The following NALF1 variants were observed in gnomAD, a reference collection of about 807,000 sequenced individuals.
NALF1 encodes NALCN channel auxiliary factor 1, also known as family with sequence similarity 155 member A.
Under a neutral mutation model 48.4 loss-of-function variants are expected in NALF1, and 3 were observed. The observed-to-expected ratio is 0.06, with a 90% confidence interval of 0.03 to 0.16. NALF1 has a LOEUF of 0.16. Ranked by LOEUF, NALF1 falls within the 10% of genes least tolerant of loss-of-function variation. NALF1 has a pLI of 1.00. For missense variants in NALF1, 526 were observed against 571.5 expected, an observed-to-expected ratio of 0.92 and a Z score of 0.81; for synonymous variants, 262 against 245.7, an observed-to-expected ratio of 1.07 and a Z score of -0.62.
chr13:107,269,030 G>A (rs971713347), intron 1 of NALF1, among the ~76,000 whole-genome samples: 26 of 152,074 alleles, frequency 1.7e-4, no homozygotes, highest in African/African-American at 6.0e-4. Context: ...GGGAGTGGTG[G>A]TGCACGCCTG....
chr13:107,734,452 C>T (rs1319486780), intron 1 of NALF1, among the ~76,000 whole-genome samples: 1 of 151,046 alleles, frequency 6.6e-6, no homozygotes, highest in Admixed American at 6.6e-5. Context: ...AGGAAAGAAC[C>T]CAGAGTTAGA....
intron 1 of NALF1, among the ~76,000 whole-genome samples, chr13:107,353,744 C>T (rs1368323788): frequency 6.6e-6 from 1 of 152,178 alleles, no homozygotes; most frequent in African/African-American, 2.4e-5. Context: ...ATTTCGGCAG[C>T]AACAGAGAAT....
intron 2 of NALF1, among the ~76,000 whole-genome samples, chr13:107,193,531 C>T (rs1291988254): frequency 6.6e-6 from 1 of 152,082 alleles, no homozygotes; most frequent in Non-Finnish European, 1.5e-5. Context: ...TTTAATTACC[C>T]CTTCTGGGAA....
chr13:107,270,222 A>G (rs1881133437), intron 1 of NALF1, among the ~76,000 whole-genome samples: 1 of 152,216 alleles, frequency 6.6e-6, no homozygotes, highest in South Asian at 2.1e-4. Context: ...TTTCTATGTC[A>G]AACTTTTGAT....
At chr13:107,805,818 G>C (rs1207076272) in intron 1 of NALF1, among the ~76,000 whole-genome samples, 1 of 152,104 alleles carries the variant, frequency 6.6e-6, no homozygotes, top group Non-Finnish European at 1.5e-5. Context: ...ATTCTCACTA[G>C]TGTTGGTGCT....
At chr13:107,385,629 G>A (rs758483814) in intron 1 of NALF1, among the ~76,000 whole-genome samples, 3 of 151,102 alleles carry the variant, frequency 2.0e-5, no homozygotes, top group Non-Finnish European at 2.9e-5. Context: ...GGTAAAGGCA[G>A]TTTAAGTTCT....
intron 1 of NALF1, among the ~76,000 whole-genome samples, chr13:107,734,721 T>C (rs1368312186): frequency 2.0e-5 from 3 of 152,138 alleles, no homozygotes; most frequent in Non-Finnish European, 4.4e-5. Context: ...GCTTATTTCA[T>C]GTGAATATTG....
chr13:107,222,866 T>A (rs1387390189), intron 1 of NALF1, among the ~76,000 whole-genome samples: 2 of 152,212 alleles, frequency 1.3e-5, no homozygotes, highest in Non-Finnish European at 2.9e-5. Context: ...AATGAAAGAA[T>A]GCCTCTAAAC....
intron 1 of NALF1, among the ~76,000 whole-genome samples, chr13:107,437,913 T>C (rs1884489280): frequency 6.6e-6 from 1 of 152,220 alleles, no homozygotes; most frequent in South Asian, 2.1e-4. Context: ...GAAGCATTTA[T>C]TGGTGAAGTA....
Position 107,332,739 on chromosome 13 carries a change from T to C in NALF1, c.916-121984A>G, listed in dbSNP as rs12875100. Among the ~76,000 whole-genome samples, 527 of 152,364 alleles carry C rather than the reference T, an allele frequency of 3.5e-3. 2 individuals are homozygous for C. Among genetic ancestry groups the C allele is most frequent in the Non-Finnish European group, 6.2e-3 (424 of 68,032 alleles). On this transcript the variant is annotated intron_variant, in intron 1 of 2. Transcript: ENST00000375915. Reference sequence around the variant, plus strand: ...CACTGTGAACACCTAGTAGTGGATATAGAGCCATTGCTCCTAGTAAATTAC... The same window carrying C: ...CACTGTGAACACCTAGTAGTGGATACAGAGCCATTGCTCCTAGTAAATTAC...
At chr13:107,425,275 T>C (rs1278915973) in intron 1 of NALF1, among the ~76,000 whole-genome samples, 1 of 152,192 alleles carries the variant, frequency 6.6e-6, no homozygotes, top group Non-Finnish European at 1.5e-5. Flanking sequence ...TAATTCATCA[T>C]AAACTAAGTG....
chr13:107,420,072 T>G (rs573467356), intron 1 of NALF1, among the ~76,000 whole-genome samples: 1 of 152,208 alleles, frequency 6.6e-6, no homozygotes, highest in Non-Finnish European at 1.5e-5. Flanking sequence ...CTATCCTCAA[T>G]TTTTATTAGG....
intron 1 of NALF1, among the ~76,000 whole-genome samples, chr13:107,734,837 T>C (rs1364426341): frequency 6.6e-6 from 1 of 152,130 alleles, no homozygotes; most frequent in Non-Finnish European, 1.5e-5. Context: ...TTTGTATGAG[T>C]AATACTGTAT....
intron 1 of NALF1, among the ~76,000 whole-genome samples, chr13:107,247,055 A>G (rs1880600404): frequency 6.6e-6 from 1 of 152,130 alleles, no homozygotes; most frequent in South Asian, 2.1e-4. Flanking sequence ...GCAACTGAAC[A>G]TTTACTAGCC....
intron 1 of NALF1, among the ~76,000 whole-genome samples, chr13:107,523,254 C>A (rs1876306462): frequency 6.6e-6 from 1 of 152,194 alleles, no homozygotes; most frequent in African/African-American, 2.4e-5. Context: ...TGCCATCAAA[C>A]ATTGCCTTCA....
chr13:107,504,097 C>T (rs1875615048), intron 1 of NALF1, among the ~76,000 whole-genome samples: 1 of 151,466 alleles, frequency 6.6e-6, no homozygotes, highest in Admixed American at 6.6e-5. Flanking sequence ...ACTAAAAATA[C>T]AAAAATTAGC....
At chr13:107,439,382 C>T (rs926363063) in intron 1 of NALF1, among the ~76,000 whole-genome samples, 1 of 152,208 alleles carries the variant, frequency 6.6e-6, no homozygotes, top group Non-Finnish European at 1.5e-5. Context: ...CTCTGTTCTT[C>T]CCCTTTAAAC....
Position 107,577,234 on chromosome 13 carries a change from G to T in NALF1, c.915+288448C>A, listed in dbSNP as rs1878181264. Reference sequence around the variant, plus strand: ...CATTCTCATCTGCATGTTGGAAGGTGGTTCACCATCAAGTCTGAGCTCCAA... The same window carrying T: ...CATTCTCATCTGCATGTTGGAAGGTTGTTCACCATCAAGTCTGAGCTCCAA... On this transcript the variant is annotated intron_variant, in intron 1 of 2. Coordinates refer to ENST00000375915, the MANE Select transcript of NALF1 (RefSeq NM_001080396.3). Among the ~76,000 whole-genome samples, 3 of 152,084 alleles carry T rather than the reference G, an allele frequency of 2.0e-5. No homozygotes were observed. The South Asian group carries it at 6.2e-4, about 32-fold the overall frequency.
chr13:107,275,886 G>A (rs1881270391), intron 1 of NALF1, among the ~76,000 whole-genome samples: 1 of 152,160 alleles, frequency 6.6e-6, no homozygotes, highest in Non-Finnish European at 1.5e-5. Flanking sequence ...GGGGCTGAAG[G>A]AGCCACTTCG....
Sources: allele counts gnomAD v4.1 joint callset (sites outside exome capture counted in the v4.1 genomes callset), GRCh38; gene constraint gnomAD v4.1.1; transcripts MANE v1.5; gene names NCBI Gene and HGNC (gene_info 2026-07-23, HGNC 2026-07-21).